Variants in UBE2O observed in about 807,000 individuals in gnomAD.
UBE2O encodes the protein ubiquitin conjugating enzyme E2 O.
A neutral mutation model predicts 125.8 loss-of-function variants in UBE2O; 15 were observed. That is an observed-to-expected ratio of 0.12 (90% CI 0.08 to 0.18). The LOEUF is 0.18. Ranked by LOEUF, UBE2O falls within the 10% of genes least tolerant of loss-of-function variation. The pLI is 1.00. For missense variants in UBE2O, 1,280 were observed against 1,723.6 expected (o/e 0.74, Z 4.56); for synonymous variants, 708 against 703.2 (o/e 1.01, Z -0.11).
At chr17:76,447,850 C>A (rs796114561) in intron 1 of UBE2O, among the ~76,000 whole-genome samples, 14 of 152,318 alleles carry the variant, frequency 9.2e-5, no homozygotes, top group African/African-American at 2.9e-4. Flanking sequence ...TGGAAGTGAT[C>A]TTCTGAAGGC....
chr17:76,434,401 G>A (rs2072952052), intron 1 of UBE2O, among the ~76,000 whole-genome samples: 1 of 152,138 alleles, frequency 6.6e-6, no homozygotes, highest in African/African-American at 2.4e-5. Context: ...CCAACGCGTA[G>A]GAAACACAGT....
Position 76,400,597 on chromosome 17 carries a change from C to G in UBE2O, c.895-47G>C. 2 of 1,378,764 alleles carry G rather than the reference C, an allele frequency of 1.5e-6. No homozygotes were observed. The highest frequency in any genetic ancestry group is 3.9e-5 in the Admixed American group (2 of 51,534). 85.4% of individuals were successfully genotyped at this position (1,378,764 alleles called of 1,614,324 possible). On this transcript the variant is annotated intron_variant, in intron 6 of 17. Transcript: ENST00000319380. The surrounding 1 kb of genome is among the most constrained non-coding windows in gnomAD (Gnocchi z 4.3). ...CGCCAGTCAGGGCAGGCTCTGACAGCACTCTCTTTAGCCAGCTGCCCAAAG... is the reference window on the plus strand; with the variant it reads ...CGCCAGTCAGGGCAGGCTCTGACAGGACTCTCTTTAGCCAGCTGCCCAAAG...
Position 76,395,975 on chromosome 17 carries a change from C to G in UBE2O, c.2810-114G>C. 1 of 1,536,880 alleles carries G rather than the reference C, an allele frequency of 6.5e-7. No individual in the cohort carries two copies. On this transcript the variant is annotated intron_variant, in intron 14 of 17. Coordinates refer to ENST00000319380, the MANE Select transcript of UBE2O (RefSeq NM_022066.4). This position sits in a 1 kb window ranked among gnomAD's most constrained non-coding sequence, Gnocchi z 5.0. ...AGACTTCCCACTCGCCGCTGCTGGC[C>G]TCAGCACTGTGACCACACAGGGAAA...
chr17:76,436,169 C>T (rs367762677), intron 1 of UBE2O, among the ~76,000 whole-genome samples: 5 of 152,130 alleles, frequency 3.3e-5, no homozygotes, highest in East Asian at 3.9e-4. Flanking sequence ...ATTGCTTGAA[C>T]CCGGGAGGCG....
At chr17:76,416,323 G>A (rs568081299) in intron 1 of UBE2O, among the ~76,000 whole-genome samples, 2 of 152,124 alleles carry the variant, frequency 1.3e-5, no homozygotes, top group African/African-American at 2.4e-5. Context: ...TGCTGGAAAC[G>A]CAGACTCTCA....
In UBE2O at chr17:76,405,449, C is replaced by A; in HGVS notation, c.477+64G>T. 6.5e-7 allele frequency: 1 copy of A among 1,544,034 alleles called. No individual in the cohort carries two copies. The highest frequency in any genetic ancestry group is 8.8e-7 in the Non-Finnish European group (1 of 1,134,816). On this transcript the variant is annotated intron_variant, in intron 2 of 17. Coordinates refer to ENST00000319380, the MANE Select transcript of UBE2O (RefSeq NM_022066.4). This position sits in a 1 kb window ranked among gnomAD's most constrained non-coding sequence, Gnocchi z 6.1. ...TCCCACATGCAGAGTGCGAGGTGGG[C>A]AGGCTCAAGTCCCTAAGGTGGCTGC...
At chr17:76,430,056 T>C (rs1281840203) in intron 1 of UBE2O, among the ~76,000 whole-genome samples, 3 of 152,204 alleles carry the variant, frequency 2.0e-5, no homozygotes, top group African/African-American at 7.2e-5. Flanking sequence ...CCACCTTGAG[T>C]GCCACCAATT....
chr17:76,418,847 G>T (rs1250026746), intron 1 of UBE2O, among the ~76,000 whole-genome samples: 1 of 152,162 alleles, frequency 6.6e-6, no homozygotes, highest in Non-Finnish European at 1.5e-5. Context: ...GGGATTACAG[G>T]CGTGAGCCAC....
intron 1 of UBE2O, among the ~76,000 whole-genome samples, chr17:76,451,247 T>C (rs926426291): frequency 1.3e-5 from 2 of 152,234 alleles, no homozygotes; most frequent in Non-Finnish European, 2.9e-5. Flanking sequence ...TGTCACACAG[T>C]ATACAGCAAT....
chr17:76,394,425 C>T (rs937778846), intron 15 of UBE2O, among the ~76,000 whole-genome samples: 2 of 152,120 alleles, frequency 1.3e-5, no homozygotes, highest in Admixed American at 6.6e-5. Context: ...GCCCCGTCCA[C>T]GAACAGAGGA....
chr17:76,405,647 A>G lies in UBE2O; in HGVS notation c.418-75T>C. On this transcript the variant is annotated intron_variant, in intron 1 of 17. Coordinates refer to ENST00000319380, the MANE Select transcript of UBE2O (RefSeq NM_022066.4). The surrounding 1 kb of genome is among the most constrained non-coding windows in gnomAD (Gnocchi z 6.1). ...GAATACAGTTTTCTTCCAGCTTCTG[A>G]AGGAAAGCGTCACATCCACACTGCT... 1 of 1,343,786 alleles carries G rather than the reference A, an allele frequency of 7.4e-7. No individual in the cohort carries two copies. Among genetic ancestry groups the G allele is most frequent in the Non-Finnish European group, 1.0e-6 (1 of 961,704 alleles). 83.2% of individuals were successfully genotyped at this position (1,343,786 alleles called of 1,614,324 possible).
chr17:76,410,697 T>C lies in UBE2O; in HGVS notation c.418-5125A>G, dbSNP rs549419087. ...CCATTTGAGCTCCCCGAAGCTATGC[T>C]GGGGGCCACTCAGAGCAGGCATTCA... is the stretch of plus-strand genomic sequence containing the variant. On this transcript the variant is annotated intron_variant, in intron 1 of 17. Coordinates refer to ENST00000319380, the MANE Select transcript of UBE2O (RefSeq NM_022066.4). The surrounding 1 kb of genome is among the most constrained non-coding windows in gnomAD (Gnocchi z 4.0). Among the ~76,000 whole-genome samples, 75 of 152,164 alleles carry C rather than the reference T, an allele frequency of 4.9e-4. 1 individual carries two copies. In the South Asian group the frequency reaches 0.015, roughly 31 times the overall value.
chr17:76,432,658 A>G (rs2072924178), intron 1 of UBE2O, among the ~76,000 whole-genome samples: 1 of 152,222 alleles, frequency 6.6e-6, no homozygotes, highest in African/African-American at 2.4e-5. Flanking sequence ...TGACACTGAC[A>G]GGCACCTGCC....
At position 76,398,516 on chromosome 17, in the gene UBE2O, T is replaced by C. The variant is rs752421229; in HGVS notation, c.1852A>G (p.Met618Val). 8 of 1,613,920 alleles carry C rather than the reference T, an allele frequency of 5.0e-6. No individual in the cohort carries two copies. The highest frequency in any genetic ancestry group is 5.9e-6 in the Non-Finnish European group (7 of 1,180,022). Residue 618 changes from methionine to valine, a missense_variant, in exon 11 of 18, where the codon ATG (methionine) becomes GTG (valine). Physicochemically the swap from Met to Val is conservative, Grantham distance 21 (BLOSUM62 1). This residue lies in a region of UBE2O where 145 missense variants were observed against 219.6 expected (regional missense o/e 0.66). Coordinates refer to ENST00000319380, the MANE Select transcript of UBE2O (RefSeq NM_022066.4). The surrounding 1 kb of genome is among the most constrained non-coding windows in gnomAD (Gnocchi z 5.4). ...QSGDHIGRTCMVKWFKLRPSG... is the reference protein window; with the variant it reads ...QSGDHIGRTCVVKWFKLRPSG... ...GGCCTCAGCTTGAACCACTTCACCATGCAGGTACGGCCGATGTGGTCCCCA... is the reference window on the plus strand; with the variant it reads ...GGCCTCAGCTTGAACCACTTCACCACGCAGGTACGGCCGATGTGGTCCCCA...
Position 76,453,016 on chromosome 17 carries a change from C to T in UBE2O, c.126G>A (p.Ser42=). ...CGGAGTCCGAGGACGGCCCGGAGGC[C>T]GAGTCCGAGGCGGGCGCCGGCGCCG... The part of the protein sequence containing the change: ...PVPAPAPASD[S]ASGPSSDSGP... The change falls in exon 1 of 18, where the codon TCG becomes TCA. Residue 42 remains serine (S), a synonymous_variant. Transcript: ENST00000319380. 6.8e-7 allele frequency: 1 copy of T among 1,463,910 alleles called. No homozygotes were observed. The allele number at this position is 1,463,910 out of a possible 1,614,324, so 90.7% of individuals were successfully genotyped here. A position where few individuals can be genotyped will look rare whatever the true frequency, so the allele number is the denominator to read the frequency against.
At chr17:76,424,468 C>T (rs894291025) in intron 1 of UBE2O, among the ~76,000 whole-genome samples, 6 of 152,098 alleles carry the variant, frequency 3.9e-5, no homozygotes, top group Non-Finnish European at 7.4e-5. Flanking sequence ...CTCAGCCTCC[C>T]AAAGTGCTGG....
chr17:76,391,824 C>T lies in UBE2O; in HGVS notation c.3151-11G>A. 1 of 1,614,102 alleles carries T rather than the reference C, an allele frequency of 6.2e-7. No individual in the cohort carries two copies. The highest frequency in any genetic ancestry group is 8.5e-7 in the Non-Finnish European group (1 of 1,180,014). Reference sequence around the variant, plus strand: ...CCACCTCTCTGTCCCCTGAAACACACAGGGCACCATCAATTCTGTTCCCCA... The same window carrying T: ...CCACCTCTCTGTCCCCTGAAACACATAGGGCACCATCAATTCTGTTCCCCA... On this transcript the variant is annotated splice_polypyrimidine_tract_variant and intron_variant, in intron 16 of 17. Coordinates refer to ENST00000319380, the MANE Select transcript of UBE2O (RefSeq NM_022066.4). This position sits in a 1 kb window ranked among gnomAD's most constrained non-coding sequence, Gnocchi z 8.4.
Position 76,399,931 on chromosome 17 carries a change from C to A in UBE2O, c.1156-10G>T. ...TCAACAGGCGCTTCACCTGCAAGGG[C>A]GGAGCAGAGAGGACAGGGCTGTGAG... On this transcript the variant is annotated splice_polypyrimidine_tract_variant and intron_variant, in intron 8 of 17. Transcript: ENST00000319380. The surrounding 1 kb of genome is among the most constrained non-coding windows in gnomAD (Gnocchi z 6.9). 1 of 1,591,024 alleles carries A rather than the reference C, an allele frequency of 6.3e-7. No homozygotes were observed. The highest frequency in any genetic ancestry group is 1.2e-5 in the South Asian group (1 of 85,462).
chr17:76,435,952 CTCA>C (rs984975272), intron 1 of UBE2O, among the ~76,000 whole-genome samples: 3 of 152,224 alleles, frequency 2.0e-5, no homozygotes, highest in African/African-American at 7.2e-5. Flanking sequence ...ACATCAAATT[CTCA>C]TCATCGTTAG....
Sources: allele counts gnomAD v4.1 joint callset (sites outside exome capture counted in the v4.1 genomes callset), GRCh38; gene constraint gnomAD v4.1.1; regional missense constraint gnomAD v4.1.1; non-coding constraint Gnocchi (gnomAD v3.1); transcripts MANE v1.5; gene names NCBI Gene and HGNC (gene_info 2026-07-23, HGNC 2026-07-21).